MAP3K3: variants seen among roughly 807,000 people sequenced by gnomAD.
The protein encoded by MAP3K3 is mitogen-activated protein kinase kinase kinase 3.
A neutral mutation model predicts 80.9 loss-of-function variants in MAP3K3; 12 were observed. The ratio of observed to expected loss-of-function variants is 0.15; its 90% CI spans 0.10 to 0.24. The LOEUF (loss-of-function observed/expected upper bound fraction) is 0.24. Ranked by LOEUF, MAP3K3 falls within the 10% of genes least tolerant of loss-of-function variation. MAP3K3 has a pLI of 1.00. For missense variants in MAP3K3, 596 were observed against 834.7 expected (o/e 0.71, Z 3.52); for synonymous variants, 272 against 307.1 (o/e 0.89, Z 1.19).
intron 2 of MAP3K3, among the ~76,000 whole-genome samples, chr17:63,643,492 C>T (rs1446874807): frequency 6.6e-6 from 1 of 151,846 alleles, no homozygotes; most frequent in Non-Finnish European, 1.5e-5. Flanking sequence ...GCTTGGGTGG[C>T]AGGAGTAAGA....
chr17:63,661,017 ATAT>A (rs1431099783), intron 5 of MAP3K3, among the ~76,000 whole-genome samples: 1 of 152,154 alleles, frequency 6.6e-6, no homozygotes, highest in Non-Finnish European at 1.5e-5. Flanking sequence ...AGAGGCCTCA[ATAT>A]TATTCTTGAG....
intron 3 of MAP3K3, among the ~76,000 whole-genome samples, chr17:63,652,130 T>C (rs1207264516): frequency 6.6e-6 from 1 of 152,212 alleles, no homozygotes; most frequent in Non-Finnish European, 1.5e-5. Flanking sequence ...GATTAATCCA[T>C]CACCTATATA....
chr17:63,630,579 A>G (rs559254240), intron 1 of MAP3K3, among the ~76,000 whole-genome samples: 2 of 152,288 alleles, frequency 1.3e-5, no homozygotes, highest in East Asian at 3.9e-4. Flanking sequence ...CACCTGCCTC[A>G]GCCTCCCAAA....
intron 1 of MAP3K3, among the ~76,000 whole-genome samples, chr17:63,631,452 A>G (rs1360065098): frequency 6.6e-6 from 1 of 152,162 alleles, no homozygotes; most frequent in Non-Finnish European, 1.5e-5. Flanking sequence ...AATCTTTTGT[A>G]TTTGCTTCTT....
At position 63,628,736 on chromosome 17, in the gene MAP3K3, A is replaced by C. The variant is rs538887852; in HGVS notation, c.5-3945A>C. The stretch of plus-strand genomic sequence containing the variant: ...TTATCCCTAGAGTTTGAACACCTTG[A>C]AATATCTTTTAAAACTTTCTAATGT... On this transcript the variant is annotated intron_variant, in intron 1 of 15. Transcript: ENST00000361733. Among the ~76,000 whole-genome samples, 182 of 152,282 alleles carry C rather than the reference A, an allele frequency of 1.2e-3. 2 individuals carry two copies. The highest frequency in any genetic ancestry group is 4.3e-3 in the African/African-American group (177 of 41,538).
At chr17:63,632,128 G>A (rs1208203585) in intron 1 of MAP3K3, among the ~76,000 whole-genome samples, 1 of 152,138 alleles carries the variant, frequency 6.6e-6, no homozygotes, top group Non-Finnish European at 1.5e-5. Flanking sequence ...CCCTGTTTGA[G>A]CGTGTCCCTT....
Position 63,693,778 on chromosome 17 carries a change from G to A in MAP3K3, c.*1G>A, listed in dbSNP as rs373679160. ...CCACTTTGCACAGCTCATGTACTGAGCTCTCACGGCCACACAGCTGCCGGT... is the reference window on the plus strand; with the variant it reads ...CCACTTTGCACAGCTCATGTACTGAACTCTCACGGCCACACAGCTGCCGGT... On this transcript the variant is annotated 3_prime_UTR_variant, in exon 16 of 16. Coordinates refer to ENST00000361733, the MANE Select transcript of MAP3K3 (RefSeq NM_002401.5). The surrounding 1 kb of genome is among the most constrained non-coding windows in gnomAD (Gnocchi z 4.2). 8.2e-6 allele frequency: 13 copies of A among 1,594,990 alleles called. No homozygotes were observed. The highest frequency in any genetic ancestry group is 1.1e-5 in the Non-Finnish European group (13 of 1,171,624).
chr17:63,636,373 C>T (rs988301682), intron 2 of MAP3K3, among the ~76,000 whole-genome samples: 7 of 152,172 alleles, frequency 4.6e-5, no homozygotes, highest in African/African-American at 1.4e-4. Context: ...TTGCTGTATT[C>T]TCCCTTTTGT....
Position 63,642,265 on chromosome 17 carries a change from T to C in MAP3K3, c.127-3769T>C, listed in dbSNP as rs186040511. ...TTAATTCCCTTTCTGAATAAATTCA[T>C]GTAGAGCAGTGCTTAGGTTATGGCT... On this transcript the variant is annotated intron_variant, in intron 2 of 15. Coordinates refer to ENST00000361733, the MANE Select transcript of MAP3K3 (RefSeq NM_002401.5). 5.4e-3 allele frequency among the ~76,000 whole-genome samples: 823 copies of C among 152,338 alleles called. 5 individuals are homozygous for C. The highest frequency in any genetic ancestry group is 0.018 in the African/African-American group (751 of 41,570).
At chr17:63,652,107 G>T (rs1485152641) in intron 3 of MAP3K3, among the ~76,000 whole-genome samples, 1 of 152,178 alleles carries the variant, frequency 6.6e-6, no homozygotes, top group Non-Finnish European at 1.5e-5. Flanking sequence ...GTGCCATGGT[G>T]GTTTGCTGCA....
intron 8 of MAP3K3, 68 bp from the exon 9 acceptor site, chr17:63,688,459 G>T (rs2035507635): frequency 7.9e-6 from 10 of 1,264,444 alleles, no homozygotes; most frequent in Non-Finnish European, 1.2e-5. Context: ...AAGGGAGACT[G>T]CCTGGACGCC....
intron 5 of MAP3K3, among the ~76,000 whole-genome samples, chr17:63,663,702 C>T (rs929136147): frequency 6.6e-6 from 1 of 151,950 alleles, no homozygotes; most frequent in Non-Finnish European, 1.5e-5. Flanking sequence ...GATAAACCAG[C>T]CTGGGTAACA....
rs2035680931 is a variant in MAP3K3 at position 63,695,825 on chromosome 17, A to G, written c.*2048A>G. 6.6e-6 allele frequency: 1 copy of G among 152,614 alleles called. No individual in the cohort carries two copies. The highest frequency in any genetic ancestry group is 1.5e-5 in the Non-Finnish European group (1 of 68,044). 9.5% of individuals were successfully genotyped at this position (152,614 alleles called of 1,614,324 possible). ...GACAAGCCAACAAACCCTGCACTCCAAAAAAGCAAAACAGACCCTAATTTT... is the reference window on the plus strand; with the variant it reads ...GACAAGCCAACAAACCCTGCACTCCGAAAAAGCAAAACAGACCCTAATTTT... On this transcript the variant is annotated 3_prime_UTR_variant, in exon 16 of 16. Coordinates refer to ENST00000361733, the MANE Select transcript of MAP3K3 (RefSeq NM_002401.5). The surrounding 1 kb of genome is among the most constrained non-coding windows in gnomAD (Gnocchi z 4.1).
chr17:63,690,002 C>A, intron 11 of MAP3K3: 1 of 578,954 alleles, frequency 1.7e-6, no homozygotes, highest in South Asian at 2.3e-5. Context: ...TATTTAGGGG[C>A]TTTGGAAGGA....
intron 3 of MAP3K3, among the ~76,000 whole-genome samples, chr17:63,648,992 T>A (rs2034594966): frequency 6.6e-6 from 1 of 152,214 alleles, no homozygotes; most frequent in Non-Finnish European, 1.5e-5. Context: ...TGGTTTATAT[T>A]AATAGTCTAT....
intron 2 of MAP3K3, among the ~76,000 whole-genome samples, chr17:63,638,000 G>A (rs2034365853): frequency 6.6e-6 from 1 of 152,180 alleles, no homozygotes; most frequent in African/African-American, 2.4e-5. Flanking sequence ...CAGTGATTGA[G>A]CAGACTGTCT....
At chr17:63,668,001 G>C (rs1005639401) in intron 6 of MAP3K3, 1 of 152,164 alleles carries the variant, frequency 6.6e-6, no homozygotes, top group Non-Finnish European at 1.5e-5. Flanking sequence ...TGGGAGTCTG[G>C]GGAGAAAGCC....
chr17:63,663,867 C>G (rs773307665), intron 5 of MAP3K3, among the ~76,000 whole-genome samples: 1 of 151,960 alleles, frequency 6.6e-6, no homozygotes, highest in African/African-American at 2.4e-5. Flanking sequence ...ACTCATTGAG[C>G]AAGACCCTGT....
intron 6 of MAP3K3, among the ~76,000 whole-genome samples, chr17:63,674,550 T>C (rs2035177617): frequency 6.6e-6 from 1 of 152,160 alleles, no homozygotes; most frequent in Non-Finnish European, 1.5e-5. Context: ...GTTCTCACTA[T>C]GTTGCCCAGC....
Sources: gnomAD v4.1 joint callset for allele counts (sites outside exome capture counted in the v4.1 genomes callset) on GRCh38, gnomAD v4.1.1 for gene constraint, Gnocchi (gnomAD v3.1) non-coding constraint, MANE v1.5 for transcripts, NCBI Gene and HGNC (gene_info 2026-07-23, HGNC 2026-07-21) for gene names.